RBFOX1: variants seen among roughly 807,000 people sequenced by gnomAD.
RBFOX1 encodes the protein RNA binding protein fox-1 homolog 1.
In RBFOX1, 8 loss-of-function variants were observed where a neutral mutation model predicts 57.7. The observed-to-expected ratio is 0.14, with a 90% confidence interval of 0.08 to 0.25. The LOEUF is 0.25. Among genes scored for constraint, RBFOX1 ranks in the 10% least tolerant of loss-of-function variants. RBFOX1 has a pLI of 1.00. For missense variants in RBFOX1, 611 were observed against 548.5 expected, an observed-to-expected ratio of 1.11 and a Z score of -1.14; for synonymous variants, 326 against 222.4, an observed-to-expected ratio of 1.47 and a Z score of -4.15.
chr16:5,820,003 A>G (rs946749342), intron 3 of RBFOX1, among the ~76,000 whole-genome samples: 3 of 152,062 alleles, frequency 2.0e-5, no homozygotes, highest in African/African-American at 7.2e-5. Flanking sequence ...CCAGACCGGG[A>G]CCTCTGGCAG....
At chr16:5,912,221 G>C (rs1021078566) in intron 4 of RBFOX1, among the ~76,000 whole-genome samples, 2 of 152,270 alleles carry the variant, frequency 1.3e-5, no homozygotes, top group Admixed American at 6.5e-5. Flanking sequence ...TAGGGGGTTT[G>C]CTGAGGTTAC....
intron 4 of RBFOX1, among the ~76,000 whole-genome samples, chr16:7,182,536 G>C (rs1163466484): frequency 6.6e-6 from 1 of 152,134 alleles, no homozygotes; most frequent in East Asian, 1.9e-4. Context: ...ATAGAAATAT[G>C]GAAACAAGGG....
chr16:6,034,163 T>C lies in RBFOX1; in HGVS notation c.-127+14171T>C, dbSNP rs372706611. On this transcript the variant is annotated intron_variant, in intron 1 of 15. Coordinates refer to ENST00000550418, the MANE Select transcript of RBFOX1 (RefSeq NM_018723.4). ...CTGCCTGGCCAACTTAGTGAAACCA[T>C]GTCTCTACTAAAAATACAAAAATTA... Among the ~76,000 whole-genome samples, 16 of 151,422 alleles carry C rather than the reference T, an allele frequency of 1.1e-4. 1 individual carries two copies. The highest frequency in any genetic ancestry group is 5.3e-4 in the Admixed American group (8 of 15,210).
At chr16:6,906,623 C>T (rs1037515869) in intron 3 of RBFOX1, among the ~76,000 whole-genome samples, 1 of 152,018 alleles carries the variant, frequency 6.6e-6, no homozygotes, top group African/African-American at 2.4e-5. Context: ...TTTGGATTTC[C>T]TTGAGGACAG....
At chr16:5,722,213 T>C (rs1478266968) in intron 3 of RBFOX1, among the ~76,000 whole-genome samples, 4 of 152,192 alleles carry the variant, frequency 2.6e-5, no homozygotes, top group East Asian at 1.9e-4. Context: ...TATTTAACTG[T>C]TGTCGTTATT....
intron 2 of RBFOX1, among the ~76,000 whole-genome samples, chr16:6,508,900 G>A (rs2096184487): frequency 6.6e-6 from 1 of 151,914 alleles, no homozygotes; most frequent in Non-Finnish European, 1.5e-5. Context: ...TCTTAACACT[G>A]TTGTTATCAT....
chr16:7,191,428 C>G (rs534309913), intron 4 of RBFOX1, among the ~76,000 whole-genome samples: 8 of 151,716 alleles, frequency 5.3e-5, no homozygotes, highest in African/African-American at 1.9e-4. Flanking sequence ...GTACAATTGT[C>G]CTCATGGCTT....
At chr16:6,973,847 C>T (rs1386631836) in intron 3 of RBFOX1, among the ~76,000 whole-genome samples, 3 of 152,026 alleles carry the variant, frequency 2.0e-5, no homozygotes, top group East Asian at 3.9e-4. Flanking sequence ...TAAACGTGTG[C>T]CATGGTGGTT....
At position 6,301,404 on chromosome 16, in the gene RBFOX1, C is replaced by T. The variant is rs558909139; in HGVS notation, c.-126-15591C>T. 7.9e-5 allele frequency among the ~76,000 whole-genome samples: 12 copies of T among 152,172 alleles called. No homozygotes were observed. The East Asian group carries it at 1.3e-3, about 17-fold the overall frequency. On this transcript the variant is annotated intron_variant, in intron 1 of 15. Transcript: ENST00000550418. ...GATTAAAGACTGCTTTCTTATTAAG[C>T]GATGCAGGTCTCATTGAAATAAGTA...
intron 3 of RBFOX1, among the ~76,000 whole-genome samples, chr16:6,837,083 G>C (rs143514356): frequency 6.6e-6 from 1 of 152,156 alleles, no homozygotes; most frequent in Non-Finnish European, 1.5e-5. Flanking sequence ...ATATATATTG[G>C]TTAACAATAG....
At chr16:7,195,403 A>T (rs2086451729) in intron 4 of RBFOX1, among the ~76,000 whole-genome samples, 1 of 152,160 alleles carries the variant, frequency 6.6e-6, no homozygotes, top group Non-Finnish European at 1.5e-5. Flanking sequence ...AGACATATTG[A>T]GAGGAGGTGA....
chr16:6,551,221 GTGTA>G (rs2096983575), intron 2 of RBFOX1, among the ~76,000 whole-genome samples: 1 of 152,190 alleles, frequency 6.6e-6, no homozygotes. Flanking sequence ...AGCAAATGTT[GTGTA>G]GCATCAGCTA....
intron 2 of RBFOX1, among the ~76,000 whole-genome samples, chr16:5,511,125 A>C (rs929102438): frequency 6.6e-6 from 1 of 152,196 alleles, no homozygotes; most frequent in African/African-American, 2.4e-5. Context: ...AGGAATTAGA[A>C]AGTTACAAAG....
chr16:6,051,027 G>A (rs984028577), intron 1 of RBFOX1, among the ~76,000 whole-genome samples: 29 of 147,450 alleles, frequency 2.0e-4, no homozygotes, highest in African/African-American at 6.8e-4. Context: ...GATTCATCTT[G>A]TATATTTGCT....
rs142395444 is a variant in RBFOX1 at position 6,965,754 on chromosome 16, C to A, written c.-15-86303C>A. Among the ~76,000 whole-genome samples the A allele has an allele frequency of 3.3e-5, 5 of 152,198 alleles. 1 individual carries two copies. In the East Asian group the frequency reaches 9.7e-4, roughly 29 times the overall value. The stretch of plus-strand genomic sequence containing the variant: ...GAATGATAATAATCATGTTTATTAT[C>A]CTGGGGTGCTTTCTCCATAGCAAGT... On this transcript the variant is annotated intron_variant, in intron 3 of 15. Transcript: ENST00000550418.
At chr16:7,466,462 G>C (rs2060539508) in intron 4 of RBFOX1, among the ~76,000 whole-genome samples, 1 of 152,116 alleles carries the variant, frequency 6.6e-6, no homozygotes, top group African/African-American at 2.4e-5. Context: ...TAGTAGCTCG[G>C]TTTTAAAAAG....
At chr16:5,294,010 C>A (rs570585520) in intron 1 of RBFOX1, among the ~76,000 whole-genome samples, 1 of 152,108 alleles carries the variant, frequency 6.6e-6, no homozygotes, top group South Asian at 2.1e-4. Flanking sequence ...GGGTAGAACA[C>A]CTGAGGCCAG....
chr16:5,376,642 G>C (rs1459456923), intron 1 of RBFOX1, among the ~76,000 whole-genome samples: 1 of 152,180 alleles, frequency 6.6e-6, no homozygotes, highest in Non-Finnish European at 1.5e-5. Context: ...GCAGCTGCTG[G>C]CTGTGGTTAC....
intron 3 of RBFOX1, among the ~76,000 whole-genome samples, chr16:6,918,019 G>T (rs1485715490): frequency 2.0e-5 from 3 of 152,180 alleles, no homozygotes; most frequent in East Asian, 3.9e-4. Flanking sequence ...AGGTACATTA[G>T]CTCACGCCTG....
Sources: allele counts gnomAD v4.1 joint callset (sites outside exome capture counted in the v4.1 genomes callset), GRCh38; gene constraint gnomAD v4.1.1; transcripts MANE v1.5; gene names NCBI Gene and HGNC (gene_info 2026-07-23, HGNC 2026-07-21).